The following PATL1 variants were observed in gnomAD, a reference collection of about 807,000 sequenced individuals.
PATL1 encodes protein PAT1 homolog 1.
A neutral mutation model predicts 100.6 loss-of-function variants in PATL1; 32 were observed. The observed-to-expected ratio is 0.32, with a 90% CI of 0.24 to 0.43. The LOEUF (loss-of-function observed/expected upper bound fraction) is 0.43. Ranked by LOEUF, PATL1 falls within the 20% of genes least tolerant of loss-of-function variation. PATL1 has a pLI of 1.00. For synonymous variants in PATL1, 332 were observed against 330.0 expected, an observed-to-expected ratio of 1.01 and a Z score of -0.07; for missense variants, 747 against 949.9, an observed-to-expected ratio of 0.79 and a Z score of 2.81.
rs942705423 is a variant in PATL1, at chr11:59,637,032, G to C, written c.*1358C>G. 2.0e-5 allele frequency: 3 copies of C among 152,606 alleles called. No individual in the cohort carries two copies. The highest frequency in any genetic ancestry group is 2.0e-4 in the Admixed American group (3 of 15,270). The allele number at this position is 152,606 out of a possible 1,614,324, so 9.5% of individuals were successfully genotyped here. ...GGTTTTAACAGAGGATCTTACTGTTGTACAATACATGTATGTGCAAAATGT... is the reference window on the plus strand; with the variant it reads ...GGTTTTAACAGAGGATCTTACTGTTCTACAATACATGTATGTGCAAAATGT... On this transcript the variant is annotated 3_prime_UTR_variant, in exon 19 of 19. Coordinates refer to ENST00000300146, the MANE Select transcript of PATL1 (RefSeq NM_152716.3).
At chr11:59,652,050 G>A (rs1861452957) in intron 11 of PATL1, among the ~76,000 whole-genome samples, 2 of 86,914 alleles carry the variant, frequency 2.3e-5, no homozygotes, top group Admixed American at 1.9e-4. Context: ...GGACAACAGA[G>A]TAAGGCTCTT....
At chr11:59,639,605 C>T in intron 16 of PATL1, 1 of 471,668 alleles carries the variant, frequency 2.1e-6, no homozygotes, top group Non-Finnish European at 3.8e-6. Context: ...GCGCAGCCAA[C>T]AGAAACGGAA....
intron 1 of PATL1, 139 bp from the exon 2 acceptor site, chr11:59,667,103 T>C: frequency 1.4e-6 from 2 of 1,416,080 alleles, no homozygotes; most frequent in Non-Finnish European, 1.8e-6. Flanking sequence ...ATTTTTTTTC[T>C]ACTTCCCAAT....
At chr11:59,648,184 T>C (rs952996135) in intron 14 of PATL1, among the ~76,000 whole-genome samples, 1 of 149,936 alleles carries the variant, frequency 6.7e-6, no homozygotes, top group Non-Finnish European at 1.5e-5. Flanking sequence ...TAACTTTTTT[T>C]CTTTTTTTTT....
rs1861235275 is a variant in PATL1, at chr11:59,639,090, T to C, written c.2249A>G (p.Tyr750Cys). 5.0e-6 allele frequency: 8 copies of C among 1,613,952 alleles called. No homozygotes were observed. Among genetic ancestry groups the C allele is most frequent in the East Asian group, 2.2e-5 (1 of 44,876 alleles). ...PTNLVSLFSR[Y>C]VDRQKLNLLE... ...CAAGTTCAGTTTCTGCCGGTCAACA[T>C]AGCGAGAAAAGAGGGACACTAGGTT... Residue 750 changes from tyrosine to cysteine, a missense_variant, in exon 18 of 19, where the codon TAT becomes TGT. Coordinates refer to ENST00000300146, the MANE Select transcript of PATL1 (RefSeq NM_152716.3).
intron 2 of PATL1, 65 bp from the exon 3 acceptor site, chr11:59,659,534 A>C: frequency 7.4e-7 from 1 of 1,355,288 alleles, no homozygotes; most frequent in South Asian, 1.4e-5. Flanking sequence ...TTACACAATT[A>C]TTGTTTTTTT....
chr11:59,641,568 C>T (rs1352609419), intron 16 of PATL1, among the ~76,000 whole-genome samples: 3 of 152,086 alleles, frequency 2.0e-5, no homozygotes, highest in Non-Finnish European at 4.4e-5. Context: ...GCCTGGACAA[C>T]ATGGCGAAAC....
intron 18 of PATL1, among the ~76,000 whole-genome samples, chr11:59,638,665 C>G (rs1861227578): frequency 6.6e-6 from 1 of 151,712 alleles, no homozygotes; most frequent in African/African-American, 2.4e-5. Flanking sequence ...CCCCCCTCCA[C>G]CCCAATCATA....
In PATL1 at chr11:59,651,558, G is replaced by A. The variant is rs975165307; in HGVS notation, c.1510C>T (p.Arg504Trp). The change falls in exon 12 of 19, where the codon CGG becomes TGG. Residue 504 changes from arginine to tryptophan, a missense_variant. Physicochemically the swap from Arg to Trp is moderately radical, Grantham distance 101. Around this residue, in one of 4 missense-constraint regions of PATL1, gnomAD observed 434 missense variants for 596.1 expected, o/e 0.73. Coordinates refer to ENST00000300146, the MANE Select transcript of PATL1 (RefSeq NM_152716.3). Reference sequence around the variant, plus strand: ...TTGACACTTACATCATCCTCACTCCGAGATGTCACAACAGCATCAATCATT... The same window carrying A: ...TTGACACTTACATCATCCTCACTCCAAGATGTCACAACAGCATCAATCATT... ...RKMIDAVVTS[R>W]SEDDETKEKQ... The A allele has an allele frequency of 5.6e-6, 9 of 1,609,084 alleles. No individual in the cohort carries two copies. The highest frequency in any genetic ancestry group is 6.8e-6 in the Non-Finnish European group (8 of 1,177,270).
At chr11:59,656,411 T>C (rs548753105) in intron 6 of PATL1, 88 bp downstream of exon 6, 1 of 1,108,644 alleles carries the variant, frequency 9.0e-7, no homozygotes, top group Admixed American at 2.3e-5. Flanking sequence ...TTAGGAGATG[T>C]CAGCAAATCT....
chr11:59,659,597 T>C, intron 2 of PATL1, 128 bp from the exon 3 acceptor site: 1 of 834,358 alleles, frequency 1.2e-6, no homozygotes, highest in Non-Finnish European at 1.8e-6. Context: ...AGTGGCGTGA[T>C]CTCGGCTCAC....
rs767713989 is a variant in PATL1, at chr11:59,638,440, T to C, written c.2292-29A>G. 1 of 1,595,228 alleles carries C rather than the reference T, an allele frequency of 6.3e-7. No individual in the cohort carries two copies. Among genetic ancestry groups the C allele is most frequent in the Non-Finnish European group, 8.6e-7 (1 of 1,164,586 alleles). ...GGAGTACAAAGGAGAGAAAGGAAAA[T>C]TGTATAAATGAGTTAAAACAGAAGG... On this transcript the variant is annotated intron_variant, in intron 18 of 18. Transcript: ENST00000300146.
rs1861525534 is a variant in PATL1, at chr11:59,656,045, T to G, written c.724A>C (p.Asn242His). 1 of 1,369,634 alleles carries G rather than the reference T, an allele frequency of 7.3e-7. No individual in the cohort carries two copies. Among genetic ancestry groups the G allele is most frequent in the African/African-American group, 1.7e-5 (1 of 59,968 alleles). 84.8% of individuals were successfully genotyped at this position (1,369,634 alleles called of 1,614,324 possible). A position where few individuals can be genotyped will look rare whatever the true frequency, so the allele number is the denominator to read the frequency against. The change falls in exon 7 of 19, where the codon AAC becomes CAC. Residue 242 changes from asparagine (N) to histidine (H), a missense_variant and splice_region_variant. Physicochemically the swap from Asn to His is moderately conservative, Grantham distance 68. This residue lies in a region of PATL1 where 127 missense variants were observed against 116.0 expected (regional missense o/e 1.09). Coordinates refer to ENST00000300146, the MANE Select transcript of PATL1 (RefSeq NM_152716.3). ...MSPNQLCSVP[N>H]SSLLGHPFPP... ...AAAGGGTGACCCAGGAGGGAAGAGT[T>G]CTAAGGTAAAAAAAAAAAAAAAAAA...
At chr11:59,645,154 AAATGAAAAGTCTCCCATGTCTACCTC>A (rs2134740380) in intron 15 of PATL1, among the ~76,000 whole-genome samples, 1 of 133,484 alleles carries the variant, frequency 7.5e-6, no homozygotes, top group South Asian at 2.6e-4. Flanking sequence ...GTACAGAACA[AAATGAAAAGTCTCCCATGTCTACCTC>A]TTTCTACACA....
At position 59,638,129 on chromosome 11, in the gene PATL1, G is replaced by C. The variant is rs1861220331; in HGVS notation, c.*261C>G. On this transcript the variant is annotated 3_prime_UTR_variant, in exon 19 of 19. Transcript: ENST00000300146. ...TCTAGGGCAAAGAAAATGCAAAACA[G>C]AACTGAGTAAAAGTAGGACATGCAG... 1.9e-6 allele frequency: 1 copy of C among 527,256 alleles called. No individual in the cohort carries two copies. Among genetic ancestry groups the C allele is most frequent in the Non-Finnish European group, 3.4e-6 (1 of 292,936 alleles). The allele number at this position is 527,256 out of a possible 1,614,324, so 32.7% of individuals were successfully genotyped here.
chr11:59,653,415 T>C (rs1269703412), intron 9 of PATL1, among the ~76,000 whole-genome samples: 2 of 152,138 alleles, frequency 1.3e-5, no homozygotes, highest in African/African-American at 4.8e-5. Context: ...GCGATTTAGC[T>C]CTGAAGTCTA....
chr11:59,659,550 TA>T, intron 2 of PATL1, 81 bp from the exon 3 acceptor site: 2 of 1,284,286 alleles, frequency 1.6e-6, no homozygotes, highest in South Asian at 2.9e-5. Context: ...TTTTTTTTTT[TA>T]GACAGAGTCT....
intron 15 of PATL1, among the ~76,000 whole-genome samples, chr11:59,644,111 T>C (rs920913232): frequency 1.1e-4 from 17 of 152,180 alleles, no homozygotes; most frequent in Non-Finnish European, 2.1e-4. Flanking sequence ...ATTATGGTCA[T>C]TTTAGAACAT....
At chr11:59,657,217 C>T (rs1861548801) in intron 5 of PATL1, 2 of 818,516 alleles carry the variant, frequency 2.4e-6, no homozygotes, top group Non-Finnish European at 2.9e-6. Flanking sequence ...TGTTCCCACT[C>T]CCCCCGGCTT....
Sources: allele counts gnomAD v4.1 joint callset (sites outside exome capture counted in the v4.1 genomes callset), GRCh38; gene constraint gnomAD v4.1.1; regional missense constraint gnomAD v4.1.1; transcripts MANE v1.5; gene names NCBI Gene and HGNC (gene_info 2026-07-23, HGNC 2026-07-21).